FNBP1L: variants seen among roughly 807,000 people sequenced by gnomAD.
FNBP1L encodes the protein formin-binding protein 1-like.
A neutral mutation model predicts 91.2 loss-of-function variants in FNBP1L; 36 were observed. That is an observed-to-expected ratio of 0.39 (90% CI 0.30 to 0.52). The LOEUF is 0.52. FNBP1L is among the 20% of genes least tolerant of loss of function. The pLI, the probability that FNBP1L is intolerant of heterozygous loss-of-function variation, is 0.66. For missense variants in FNBP1L, 571 were observed against 732.1 expected (o/e 0.78, Z 2.54); for synonymous variants, 242 against 237.0 (o/e 1.02, Z -0.19).
rs1670942124 is a variant in FNBP1L, at chr1:93,513,519, A to G, written c.141-8563A>G. Among the ~76,000 whole-genome samples the G allele has an allele frequency of 2.0e-5, 3 of 151,910 alleles. No homozygotes were observed. In the South Asian group the frequency reaches 6.3e-4, roughly 32 times the overall value. On this transcript the variant is annotated intron_variant, in intron 2 of 16. Transcript: ENST00000271234. ...GATGAACATTGATGCAAAAATCCTC[A>G]ATAAAATACTGGCAAACCGAATCCA...
intron 1 of FNBP1L, among the ~76,000 whole-genome samples, chr1:93,479,056 C>T (rs533373972): frequency 1.0e-3 from 155 of 152,326 alleles, no homozygotes; most frequent in African/African-American, 3.4e-3. Context: ...AATATTTCAA[C>T]GTAGGTTCTT....
In FNBP1L at chr1:93,551,026, A is replaced by G; in HGVS notation, c.1731A>G (p.Thr577=). Residue 577 remains threonine (T), a synonymous_variant, in exon 16 of 17, where the codon ACA becomes ACG. Coordinates refer to ENST00000271234, the MANE Select transcript of FNBP1L (RefSeq NM_001164473.3). The stretch of plus-strand genomic sequence containing the variant: ...AGGAGGACAAAGGTGACGGATGGAC[A>G]AGAGCTCGGAGACAGAACGGTGAAG... ...IIEEDKGDGW[T]RARRQNGEEG... 6.2e-7 allele frequency: 1 copy of G among 1,613,018 alleles called. No homozygotes were observed. The highest frequency in any genetic ancestry group is 8.5e-7 in the Non-Finnish European group (1 of 1,179,388).
At chr1:93,507,829 A>C (rs1670688021) in intron 2 of FNBP1L, among the ~76,000 whole-genome samples, 2 of 151,784 alleles carry the variant, frequency 1.3e-5, no homozygotes, top group Admixed American at 6.6e-5. Context: ...TTGTATTTTT[A>C]GTAGAGACGG....
intron 1 of FNBP1L, among the ~76,000 whole-genome samples, chr1:93,479,606 G>C (rs1669619462): frequency 6.6e-6 from 1 of 152,066 alleles, no homozygotes; most frequent in Non-Finnish European, 1.5e-5. Flanking sequence ...CTCCCCCCAG[G>C]AATGCAATTC....
intron 1 of FNBP1L, among the ~76,000 whole-genome samples, chr1:93,453,234 A>G (rs6699020): frequency 0.019 from 2,870 of 152,342 alleles, 37 homozygotes; most frequent in Non-Finnish European, 0.024. Flanking sequence ...ATTGTATTAC[A>G]GACGTTATTG....
At chr1:93,448,484 G>T (rs985964432) in intron 1 of FNBP1L, among the ~76,000 whole-genome samples, 179 bp downstream of exon 1, 6 of 152,168 alleles carry the variant, frequency 3.9e-5, no homozygotes, top group African/African-American at 1.4e-4. Flanking sequence ...TCGGCCGGGG[G>T]TCTAGGGGGC....
chr1:93,480,069 G>A (rs933634293), intron 1 of FNBP1L, among the ~76,000 whole-genome samples: 2 of 152,182 alleles, frequency 1.3e-5, no homozygotes, highest in African/African-American at 4.8e-5. Context: ...AGTGATAAAT[G>A]TTCATGAAAT....
In FNBP1L at chr1:93,553,660, AATG is replaced by A. The variant is rs1163092418; in HGVS notation, c.*1247_*1249del. 6.6e-6 allele frequency: 1 copy of A among 152,650 alleles called. No homozygotes were observed. Among genetic ancestry groups the A allele is most frequent in the African/African-American group, 2.4e-5 (1 of 41,462 alleles). The allele number at this position is 152,650 out of a possible 1,614,324, so 9.5% of individuals were successfully genotyped here. A position where few individuals can be genotyped will look rare whatever the true frequency, so the allele number is the denominator to read the frequency against. The stretch of plus-strand genomic sequence containing the variant: ...CTGATAAAATTTAGTGAAACTTTGT[AATG>A]ATCTATGTGCACTTTTACTTGTAAA... On this transcript the variant is annotated 3_prime_UTR_variant, in exon 17 of 17. Transcript: ENST00000271234.
chr1:93,469,775 A>G (rs1031124538), intron 1 of FNBP1L, among the ~76,000 whole-genome samples: 10 of 152,146 alleles, frequency 6.6e-5, no homozygotes, highest in African/African-American at 1.9e-4. Context: ...GTTTGAGATC[A>G]GCCTGGGCAA....
intron 2 of FNBP1L, among the ~76,000 whole-genome samples, chr1:93,518,864 TTCC>T (rs1200665837): frequency 1.3e-5 from 2 of 152,178 alleles, no homozygotes; most frequent in African/African-American, 2.4e-5. Context: ...TAGCAGTCAT[TTCC>T]TCCTCCTCCA....
At chr1:93,533,818 A>G (rs961130962) in intron 8 of FNBP1L, among the ~76,000 whole-genome samples, 8 of 152,202 alleles carry the variant, frequency 5.3e-5, no homozygotes, top group Non-Finnish European at 8.8e-5. Flanking sequence ...AAGTTTATAC[A>G]ATATCATTAC....
chr1:93,551,986 G>A, intron 16 of FNBP1L: 1 of 992,736 alleles, frequency 1.0e-6, no homozygotes. Flanking sequence ...AACCTTGAAT[G>A]GAGGGGAAGT....
At chr1:93,528,266 C>T (rs1017552331) in intron 5 of FNBP1L, among the ~76,000 whole-genome samples, 4 of 152,084 alleles carry the variant, frequency 2.6e-5, no homozygotes, top group Non-Finnish European at 5.9e-5. Context: ...CTTGAAATTT[C>T]GAACACTTTG....
intron 11 of FNBP1L, among the ~76,000 whole-genome samples, chr1:93,543,217 T>C (rs1672110103): frequency 6.6e-6 from 1 of 152,194 alleles, no homozygotes; most frequent in Admixed American, 6.5e-5. Flanking sequence ...GCGGCTAATA[T>C]TGGTTCTGTT....
chr1:93,523,766 TTG>T, intron 4 of FNBP1L, among the ~76,000 whole-genome samples: 1 of 152,326 alleles, frequency 6.6e-6, no homozygotes. Flanking sequence ...TTTTAGATGG[TTG>T]AAAAAAGAAT....
At position 93,549,220 on chromosome 1, in the gene FNBP1L, A is replaced by T; in HGVS notation, c.1503-58A>T. ...ATCCTGAGGTGATCAATTTATAAAT[A>T]ATATATAGAATTCTCATGTTTATGA... is the stretch of plus-strand genomic sequence containing the variant. On this transcript the variant is annotated intron_variant, in intron 14 of 16. Transcript: ENST00000271234. The T allele has an allele frequency of 2.9e-6, 4 of 1,369,808 alleles. No homozygotes were observed. The South Asian group carries it at 5.9e-5, about 20-fold the overall frequency. 84.9% of individuals were successfully genotyped at this position (1,369,808 alleles called of 1,614,324 possible). A position where few individuals can be genotyped will look rare whatever the true frequency, so the allele number is the denominator to read the frequency against.
chr1:93,460,322 C>T (rs1668820102), intron 1 of FNBP1L, among the ~76,000 whole-genome samples: 1 of 152,178 alleles, frequency 6.6e-6, no homozygotes, highest in East Asian at 1.9e-4. Flanking sequence ...AAGCAGAGAG[C>T]AGCCTTCACC....
chr1:93,526,584 T>TG (rs1671501984), intron 5 of FNBP1L, among the ~76,000 whole-genome samples: 1 of 152,062 alleles, frequency 6.6e-6, no homozygotes, highest in South Asian at 2.1e-4. Context: ...GCCCTGGCTG[T>TG]GGGGAGTCTA....
intron 9 of FNBP1L, 64 bp downstream of exon 9, chr1:93,534,972 A>T (rs147331550): frequency 2.3e-6 from 3 of 1,292,590 alleles, no homozygotes; most frequent in African/African-American, 3.0e-5. Context: ...CAATGTGGGT[A>T]TTGAATGCAA....
Sources: allele counts gnomAD v4.1 joint callset (sites outside exome capture counted in the v4.1 genomes callset), GRCh38; gene constraint gnomAD v4.1.1; transcripts MANE v1.5; gene names NCBI Gene and HGNC (gene_info 2026-07-23, HGNC 2026-07-21).